The following SETX variants were observed in gnomAD, a reference collection of about 807,000 sequenced individuals.
SETX encodes senataxin.
Under a neutral mutation model 227.2 loss-of-function variants are expected in SETX, and 90 were observed. That is an observed-to-expected ratio of 0.40 (90% CI 0.33 to 0.47). SETX has a LOEUF of 0.47. Among genes scored for constraint, SETX ranks in the 20% least tolerant of loss-of-function variants. SETX has a pLI of 0.91. For missense variants in SETX, 3,052 were observed against 3,181.5 expected, an observed-to-expected ratio of 0.96 and a Z score of 0.98; for synonymous variants, 1,210 against 1,113.2, an observed-to-expected ratio of 1.09 and a Z score of -1.73.
At chr9:132,339,858 G>A (rs954568641) in intron 5 of SETX, among the ~76,000 whole-genome samples, 6 of 151,940 alleles carry the variant, frequency 3.9e-5, no homozygotes, top group South Asian at 2.1e-4. Flanking sequence ...CAGGTGATCC[G>A]CCCACCTCAG....
Position 132,354,495 on chromosome 9 carries a change from CAAAAAAAAAAAAAA to C in SETX, c.-115+408_-115+421del, listed in dbSNP as rs11316762. On this transcript the variant is annotated intron_variant, in intron 1 of 25. Transcript: ENST00000224140. ...TGGGTGACAGAGCGAGACCCCGTCT[CAAAAAAAAAAAAAA>C]AAGAAAAAAGAAAAAAAAACAAAGG... Among the ~76,000 whole-genome samples, 58 of 85,494 alleles carry C rather than the reference CAAAAAAAAAAAAAA, an allele frequency of 6.8e-4. 1 individual carries two copies. The South Asian group carries it at 0.022, about 33-fold the overall frequency. The allele number at this position is 85,494 out of a possible 152,430, so 56.1% of individuals were successfully genotyped here.
chr9:132,288,695 G>A (rs946093457), intron 15 of SETX, 44 bp from the exon 16 acceptor site: 2 of 1,203,292 alleles, frequency 1.7e-6, no homozygotes, highest in African/African-American at 3.0e-5. Flanking sequence ...GGACACTGCT[G>A]ATCAATCCTG....
At chr9:132,323,494 AG>A (rs560680605) in intron 10 of SETX, among the ~76,000 whole-genome samples, 71 of 152,280 alleles carry the variant, frequency 4.7e-4, no homozygotes, top group African/African-American at 1.5e-3. Context: ...GTGAGGGAAC[AG>A]GAAGAGTGTG....
intron 18 of SETX, among the ~76,000 whole-genome samples, chr9:132,285,238 T>C (rs1843782738): frequency 6.6e-6 from 1 of 152,158 alleles, no homozygotes; most frequent in Non-Finnish European, 1.5e-5. Flanking sequence ...TTGCAGTTTA[T>C]GGGAAGCAGA....
In SETX at chr9:132,329,430, G is replaced by C. The variant is rs368613640; in HGVS notation, c.2168C>G (p.Pro723Arg). ...KSVKEISSYTPKDCTSRNGPE... is the reference protein window; with the variant it reads ...KSVKEISSYTRKDCTSRNGPE... ...ACCATTTCTTGAAGTACAGTCCTTT[G>C]GTGTATATGAAGAGATCTCTTTTAC... Residue 723 changes from proline to arginine, a missense_variant, in exon 10 of 26, where the codon CCA (proline) becomes CGA (arginine). Pro to Arg is a moderately radical substitution (Grantham distance 103). Around this residue, in one of 10 missense-constraint regions of SETX, gnomAD observed 1,483 missense variants for 1,312.0 expected, o/e 1.13. Coordinates refer to ENST00000224140, the MANE Select transcript of SETX (RefSeq NM_015046.7). 1 of 1,613,476 alleles carries C rather than the reference G, an allele frequency of 6.2e-7. No individual in the cohort carries two copies.
Position 132,295,175 on chromosome 9 carries a change from CTCAT to C in SETX, c.6106+693_6106+696del, listed in dbSNP as rs201226940. Among the ~76,000 whole-genome samples the C allele has an allele frequency of 5.5e-3, 839 of 152,266 alleles. 14 individuals are homozygous for C. Among genetic ancestry groups the C allele is most frequent in the African/African-American group, 0.019 (781 of 41,534 alleles). On this transcript the variant is annotated intron_variant, in intron 15 of 25. Coordinates refer to ENST00000224140, the MANE Select transcript of SETX (RefSeq NM_015046.7). ...GTGCCCTGAATCATCCGTTGTAATGCTCATTATTATCTACATTCTACCGAAAAAA... is the reference window on the plus strand; with the variant it reads ...GTGCCCTGAATCATCCGTTGTAATGCTATTATCTACATTCTACCGAAAAAA...
At position 132,330,205 on chromosome 9, in the gene SETX, C is replaced by T; in HGVS notation, c.1393G>A (p.Val465Met). The T allele has an allele frequency of 1.3e-6, 2 of 1,574,094 alleles. No individual in the cohort carries two copies. The highest frequency in any genetic ancestry group is 1.2e-5 in the South Asian group (1 of 84,538). ...TEFFLLILVSVIELHRNKKCL... is the reference protein window; with the variant it reads ...TEFFLLILVSMIELHRNKKCL... ...TTTTTATTTCTATGCAGTTCAATCA[C>T]TGATACCAAAATTAGAAGAAAAAAT... The change falls in exon 10 of 26, where the codon GTG becomes ATG. Residue 465 changes from valine to methionine, a missense_variant. Physicochemically the swap from Val to Met is conservative, Grantham distance 21 (BLOSUM62 1). Coordinates refer to ENST00000224140, the MANE Select transcript of SETX (RefSeq NM_015046.7).
rs150160368 is a variant in SETX, at chr9:132,327,956, T to G, written c.3642A>C (p.Arg1214Ser). The G allele has an allele frequency of 4.3e-6, 7 of 1,613,922 alleles. No homozygotes were observed. The highest frequency in any genetic ancestry group is 5.9e-6 in the Non-Finnish European group (7 of 1,180,004). The change falls in exon 10 of 26, where the codon AGA becomes AGC. Residue 1214 changes from arginine to serine, a missense_variant. Arg to Ser is a moderately radical substitution (Grantham distance 110, BLOSUM62 -1). This residue lies in a region of SETX where 1,483 missense variants were observed against 1,312.0 expected (regional missense o/e 1.13). Coordinates refer to ENST00000224140, the MANE Select transcript of SETX (RefSeq NM_015046.7). Reference sequence around the variant, plus strand: ...ACTTCTTTTGTGAAACCGTAGTGGCTCTCTGAATACGTGAATTGGGAGTTG... The same window carrying G: ...ACTTCTTTTGTGAAACCGTAGTGGCGCTCTGAATACGTGAATTGGGAGTTG... ...RTSTPNSRIQ[R>S]ATTVSQKKSS...
intron 4 of SETX, among the ~76,000 whole-genome samples, chr9:132,345,402 T>C (rs1210187854): frequency 1.3e-5 from 2 of 152,142 alleles, no homozygotes; most frequent in Non-Finnish European, 1.5e-5. Context: ...GCCTCCTGAG[T>C]AGCTGGGATT....
At chr9:132,322,224 C>T (rs912675064) in intron 10 of SETX, among the ~76,000 whole-genome samples, 5 of 152,060 alleles carry the variant, frequency 3.3e-5, no homozygotes, top group South Asian at 2.1e-4. Context: ...TAAATGGAGA[C>T]GGTATTTCAT....
At chr9:132,337,430 C>G in intron 5 of SETX, among the ~76,000 whole-genome samples, 1 of 19,022 alleles carries the variant, frequency 5.3e-5, no homozygotes, top group South Asian at 2.6e-3. Context: ...TGCTCACAAC[C>G]AACCTTAAAA....
rs566951102 is a variant in SETX at position 132,330,052 on chromosome 9, C to A, written c.1546G>T (p.Ala516Ser). Residue 516 changes from alanine (A) to serine (S), a missense_variant, in exon 10 of 26, where the codon GCA (alanine) becomes TCA (serine). Physicochemically the swap from Ala to Ser is moderately conservative, Grantham distance 99. Coordinates refer to ENST00000224140, the MANE Select transcript of SETX (RefSeq NM_015046.7). ...TGCAATGACAGTGAAGATATCATTG[C>A]TGTTCCTTTGGAGCAATTTCCAGAT... ...KSSGNCSKGT[A>S]MISSLSLHSM... 3.7e-6 allele frequency: 6 copies of A among 1,614,128 alleles called. No homozygotes were observed. The highest frequency in any genetic ancestry group is 5.1e-6 in the Non-Finnish European group (6 of 1,180,038).
intron 10 of SETX, among the ~76,000 whole-genome samples, chr9:132,325,612 T>C (rs1219362623): frequency 6.6e-6 from 1 of 151,960 alleles, no homozygotes; most frequent in Non-Finnish European, 1.5e-5. Context: ...GCACCCTGAG[T>C]TGTGTCTATC....
rs1307013195 is a variant in SETX at position 132,333,400 on chromosome 9, A to AT, written c.838+1207_838+1208insA. Among the ~76,000 whole-genome samples, 56 of 82,262 alleles carry AT rather than the reference A, an allele frequency of 6.8e-4. 4 individuals carry two copies. The highest frequency in any genetic ancestry group is 3.7e-3 in the African/African-American group (54 of 14,784). 54.0% of individuals were successfully genotyped at this position (82,262 alleles called of 152,430 possible). ...CTCAAAAAGAAAAAAAAAAAAAAGA[A>AT]AAAAAAAAATATATATACACACACA... On this transcript the variant is annotated intron_variant, in intron 7 of 25. Coordinates refer to ENST00000224140, the MANE Select transcript of SETX (RefSeq NM_015046.7).
intron 11 of SETX, among the ~76,000 whole-genome samples, chr9:132,305,997 T>G (rs1198329233): frequency 6.6e-6 from 1 of 152,222 alleles, no homozygotes; most frequent in Non-Finnish European, 1.5e-5. Context: ...TTTTGCAATT[T>G]TTTTGAAAAA....
chr9:132,300,649 T>C lies in SETX; in HGVS notation c.5529A>G (p.Lys1843=), dbSNP rs1202322285. 1 of 1,613,634 alleles carries C rather than the reference T, an allele frequency of 6.2e-7. No individual in the cohort carries two copies. The highest frequency in any genetic ancestry group is 8.5e-7 in the Non-Finnish European group (1 of 1,179,910). ...ACTTACTGACTGACGTGCGGCGAAA[T>C]TTATGAACATAACCAGAATGATATT... ...LHEYHSGYVH[K]FRRTSVMRNG... The change falls in exon 12 of 26, where the codon AAA becomes AAG. Residue 1843 remains lysine (K), a synonymous_variant. Transcript: ENST00000224140.
Position 132,269,636 on chromosome 9 carries a change from G to C in SETX, c.7266C>G (p.Leu2422=). The change falls in exon 25 of 26, where the codon CTC becomes CTG. Residue 2422 remains leucine (L), a synonymous_variant. Transcript: ENST00000224140. ...CTACCATCAGGGTCCTCAAATGTCCGAGGATGAAGAGGCTGTACTTGGCTC... is the reference window on the plus strand; with the variant it reads ...CTACCATCAGGGTCCTCAAATGTCCCAGGATGAAGAGGCTGTACTTGGCTC... ...ITRAKYSLFI[L]GHLRTLMENQ... The C allele has an allele frequency of 6.2e-7, 1 of 1,614,190 alleles. No homozygotes were observed. The highest frequency in any genetic ancestry group is 8.5e-7 in the Non-Finnish European group (1 of 1,180,012).
In SETX at chr9:132,326,606, C is replaced by G; in HGVS notation, c.4992G>C (p.Pro1664=). The G allele has an allele frequency of 6.2e-7, 1 of 1,614,158 alleles. No individual in the cohort carries two copies. The highest frequency in any genetic ancestry group is 8.5e-7 in the Non-Finnish European group (1 of 1,180,020). Residue 1664 remains proline, a synonymous_variant, in exon 10 of 26, where the codon CCG becomes CCC. Transcript: ENST00000224140. ...TGCAACCTTGCCTGTTGGAATTATT[C>G]GGAGACTGAGGATGAAGAACATTGC... The part of the protein sequence containing the change: ...NSCNVLHPQS[P]NNSNRQGCKV...
At chr9:132,297,468 GA>G (rs1425123533) in intron 13 of SETX, among the ~76,000 whole-genome samples, 2 of 152,072 alleles carry the variant, frequency 1.3e-5, no homozygotes, top group African/African-American at 4.8e-5. Context: ...TGATACAGTG[GA>G]AAAAGCATGT....
Sources: allele counts gnomAD v4.1 joint callset (sites outside exome capture counted in the v4.1 genomes callset), GRCh38; gene constraint gnomAD v4.1.1; regional missense constraint gnomAD v4.1.1; transcripts MANE v1.5; gene names NCBI Gene and HGNC (gene_info 2026-07-23, HGNC 2026-07-21).